Variants in DLG1 observed in about 807,000 individuals in gnomAD.
DLG1 encodes the protein disks large homolog 1.
DLG1 carries 42 observed loss-of-function variants against 123.4 expected under a neutral mutation model. The observed-to-expected ratio is 0.34, with a 90% CI of 0.27 to 0.44. The LOEUF (loss-of-function observed/expected upper bound fraction) is 0.44. Ranked by LOEUF, DLG1 falls within the 20% of genes least tolerant of loss-of-function variation. The pLI, the probability that DLG1 is intolerant of heterozygous loss-of-function variation, is 1.00. For missense variants in DLG1, 942 were observed against 1,082.6 expected, an observed-to-expected ratio of 0.87 and a Z score of 1.82; for synonymous variants, 317 against 356.2, an observed-to-expected ratio of 0.89 and a Z score of 1.24.
chr3:197,283,958 TTCATGCGATTCTCCTGAC>T (rs1305120233), intron 3 of DLG1, among the ~76,000 whole-genome samples: 2 of 149,548 alleles, frequency 1.3e-5, no homozygotes, highest in African/African-American at 5.0e-5. Flanking sequence ...ACCTCCTGGG[TTCATGCGATTCTCCTGAC>T]TCAGCCTCCG....
intron 4 of DLG1, among the ~76,000 whole-genome samples, chr3:197,209,786 TC>T (rs1730388832): frequency 6.8e-6 from 1 of 146,324 alleles, no homozygotes; most frequent in African/African-American, 2.4e-5. Flanking sequence ...AAGAAGGAAA[TC>T]AGAAACAATT....
chr3:197,214,204 T>C (rs1186060347), intron 4 of DLG1, among the ~76,000 whole-genome samples: 1 of 152,094 alleles, frequency 6.6e-6, no homozygotes, highest in Non-Finnish European at 1.5e-5. Flanking sequence ...AAAATACCTA[T>C]TAGATCACAG....
At chr3:197,091,902 A>C (rs950916362) in intron 14 of DLG1, among the ~76,000 whole-genome samples, 3 of 152,188 alleles carry the variant, frequency 2.0e-5, no homozygotes, top group Non-Finnish European at 2.9e-5. Flanking sequence ...AAGAGTAAGC[A>C]TGATTATTGT....
chr3:197,231,612 T>C (rs1223526342), intron 4 of DLG1, among the ~76,000 whole-genome samples: 2 of 147,262 alleles, frequency 1.4e-5, no homozygotes, highest in African/African-American at 5.0e-5. Context: ...GAGGTGGGAG[T>C]TGGCTTGAGT....
At position 197,273,849 on chromosome 3, in the gene DLG1, C is replaced by CAAA. The variant is rs58880007; in HGVS notation, c.318+8827_318+8829dup. 7.1e-3 allele frequency among the ~76,000 whole-genome samples: 344 copies of CAAA among 48,702 alleles called. 13 individuals are homozygous for CAAA. The highest frequency in any genetic ancestry group is 0.023 in the African/African-American group (284 of 12,308). 32.0% of individuals were successfully genotyped at this position (48,702 alleles called of 152,430 possible). On this transcript the variant is annotated intron_variant, in intron 4 of 24. Transcript: ENST00000667157. Reference sequence around the variant, plus strand: ...ATACAATCACATTTATAATAGCTACCAAAAAAAAAAAAAAAACCAAAACAA... The same window carrying CAAA: ...ATACAATCACATTTATAATAGCTACCAAAAAAAAAAAAAAAAAAACCAAAACAA...
chr3:197,186,681 G>A (rs971718721), intron 5 of DLG1, among the ~76,000 whole-genome samples: 2 of 152,112 alleles, frequency 1.3e-5, no homozygotes, highest in African/African-American at 2.4e-5. Context: ...ATTTGTGTAC[G>A]TTTCTAAAGT....
chr3:197,107,825 C>A (rs1375790153), intron 13 of DLG1, among the ~76,000 whole-genome samples: 24 of 148,790 alleles, frequency 1.6e-4, no homozygotes, highest in Admixed American at 1.6e-3. Context: ...TTTAATCTTG[C>A]CTAATTTCTA....
chr3:197,231,131 C>T (rs1367849734), intron 4 of DLG1, among the ~76,000 whole-genome samples: 1 of 152,202 alleles, frequency 6.6e-6, no homozygotes, highest in East Asian at 1.9e-4. Context: ...GCAGCTAGAT[C>T]ACACTGCTGT....
intron 11 of DLG1, among the ~76,000 whole-genome samples, chr3:197,124,346 C>T (rs1403335347): frequency 6.6e-6 from 1 of 152,096 alleles, no homozygotes; most frequent in Non-Finnish European, 1.5e-5. Flanking sequence ...GCGATCTCAG[C>T]TCACTGCAAA....
At chr3:197,198,190 G>A (rs1162740775) in intron 4 of DLG1, among the ~76,000 whole-genome samples, 1 of 152,028 alleles carries the variant, frequency 6.6e-6, no homozygotes, top group Non-Finnish European at 1.5e-5. Context: ...TCAAGAAACC[G>A]AAAAGATGAC....
At chr3:197,195,718 G>C (rs530441717) in intron 4 of DLG1, among the ~76,000 whole-genome samples, 5 of 151,966 alleles carry the variant, frequency 3.3e-5, no homozygotes. Flanking sequence ...ATAAACACTG[G>C]GGACTGCTTG....
chr3:197,297,538 C>T, intron 1 of DLG1: 1 of 1,137,724 alleles, frequency 8.8e-7, no homozygotes, highest in South Asian at 2.5e-5. Context: ...TATCCACACT[C>T]CCCACCTGCT....
At chr3:197,115,541 T>C (rs1169303655) in intron 13 of DLG1, among the ~76,000 whole-genome samples, 1 of 152,200 alleles carries the variant, frequency 6.6e-6, no homozygotes, top group Non-Finnish European at 1.5e-5. Context: ...GGACCAACTG[T>C]TGAACCCATG....
intron 2 of DLG1, 165 bp from the exon 3 acceptor site, chr3:197,296,642 TAA>T: frequency 4.7e-6 from 2 of 423,930 alleles, no homozygotes; most frequent in Non-Finnish European, 8.1e-6. Flanking sequence ...GACCAAAAAA[TAA>T]AAAAAAAAAT....
chr3:197,296,706 G>A (rs1777520556), intron 2 of DLG1: 6 of 434,958 alleles, frequency 1.4e-5, no homozygotes, highest in Admixed American at 7.7e-5. Context: ...AAACGGAGGA[G>A]AGTGAGCAGT....
At chr3:197,140,364 A>C (rs948186794) in intron 7 of DLG1, 100 bp from the exon 8 acceptor site, 1 of 1,228,152 alleles carries the variant, frequency 8.1e-7, no homozygotes, top group African/African-American at 1.5e-5. Flanking sequence ...CATAAGGAAC[A>C]CAACAAATAA....
intron 5 of DLG1, among the ~76,000 whole-genome samples, chr3:197,152,979 G>C (rs1577154633): frequency 6.6e-6 from 1 of 152,092 alleles, no homozygotes; most frequent in South Asian, 2.1e-4. Flanking sequence ...GGTCAAAATA[G>C]TTTAGAAAAT....
intron 18 of DLG1, among the ~76,000 whole-genome samples, chr3:197,072,674 T>C (rs1444108574): frequency 7.0e-6 from 1 of 142,046 alleles, no homozygotes; most frequent in Non-Finnish European, 1.5e-5. Flanking sequence ...TTGTTTATGA[T>C]TGTCTTAAAA....
At chr3:197,218,581 G>C (rs1735243085) in intron 4 of DLG1, among the ~76,000 whole-genome samples, 1 of 152,168 alleles carries the variant, frequency 6.6e-6, no homozygotes, top group African/African-American at 2.4e-5. Flanking sequence ...TTCTACTTCT[G>C]CAAGACTAAT....
Sources: gnomAD v4.1 joint callset for allele counts (sites outside exome capture counted in the v4.1 genomes callset) on GRCh38, gnomAD v4.1.1 for gene constraint, MANE v1.5 for transcripts, NCBI Gene and HGNC (gene_info 2026-07-23, HGNC 2026-07-21) for gene names.